GRIK2: variants seen among roughly 807,000 people sequenced by gnomAD.
GRIK2 encodes the protein glutamate ionotropic receptor kainate type subunit 2, also known as glutamate receptor ionotropic, kainate 2.
Under a neutral mutation model 100.3 loss-of-function variants are expected in GRIK2, and 32 were observed. The observed-to-expected ratio is 0.32, with a 90% CI of 0.24 to 0.43. The LOEUF is 0.43. Among genes scored for constraint, GRIK2 ranks in the 20% least tolerant of loss-of-function variants. The pLI is 1.00. For synonymous variants in GRIK2, 417 were observed against 389.4 expected (o/e 1.07, Z -0.83); for missense variants, 843 against 1,114.9 (o/e 0.76, Z 3.47).
chr6:101,865,888 CAAAAAAAAAGAAA>C (rs963772136), intron 11 of GRIK2, among the ~76,000 whole-genome samples: 2 of 88,132 alleles, frequency 2.3e-5, no homozygotes, highest in African/African-American at 8.8e-5. Context: ...GACCCCGTCT[CAAAAAAAAAGAAA>C]AAAAAAAAAG....
chr6:101,402,051 C>G (rs1181041947), intron 2 of GRIK2, among the ~76,000 whole-genome samples: 1 of 152,182 alleles, frequency 6.6e-6, no homozygotes, highest in Non-Finnish European at 1.5e-5. Context: ...TGTTATCCTT[C>G]CCCTTGCTCC....
intron 7 of GRIK2, among the ~76,000 whole-genome samples, chr6:101,733,418 G>T (rs1423104485): frequency 1.3e-5 from 2 of 152,046 alleles, no homozygotes; most frequent in African/African-American, 2.4e-5. Flanking sequence ...TCCTAACAAG[G>T]CAAATTTAGG....
At chr6:101,510,540 T>C (rs1401637382) in intron 2 of GRIK2, among the ~76,000 whole-genome samples, 1 of 101,436 alleles carries the variant, frequency 9.9e-6, no homozygotes, top group African/African-American at 4.2e-5. Flanking sequence ...TTTTTTTTTT[T>C]GAGATTGAGT....
intron 7 of GRIK2, among the ~76,000 whole-genome samples, chr6:101,734,679 A>T (rs1775512923): frequency 6.6e-6 from 1 of 152,198 alleles, no homozygotes; most frequent in African/African-American, 2.4e-5. Context: ...GCTGGAGCAG[A>T]TCCTACAGGG....
chr6:101,472,852 A>C (rs2128256889), intron 2 of GRIK2, among the ~76,000 whole-genome samples: 1 of 151,942 alleles, frequency 6.6e-6, no homozygotes, highest in African/African-American at 2.4e-5. Context: ...TTTGGAAAGC[A>C]ACAAATTGTA....
chr6:101,482,771 T>C (rs879554163), intron 2 of GRIK2, among the ~76,000 whole-genome samples: 38 of 152,146 alleles, frequency 2.5e-4, no homozygotes, highest in Admixed American at 1.5e-3. Context: ...AATGAGATCA[T>C]TGACTCAGTA....
At chr6:101,447,161 C>T (rs1370023103) in intron 2 of GRIK2, among the ~76,000 whole-genome samples, 2 of 151,150 alleles carry the variant, frequency 1.3e-5, no homozygotes, top group East Asian at 1.9e-4. Context: ...GCATTAATAT[C>T]TCATTGCAGT....
chr6:101,742,382 G>C (rs1286455060), intron 7 of GRIK2, among the ~76,000 whole-genome samples: 1 of 152,118 alleles, frequency 6.6e-6, no homozygotes, highest in African/African-American at 2.4e-5. Context: ...GGGGTAAGAT[G>C]ATTGAGGTGT....
intron 2 of GRIK2, among the ~76,000 whole-genome samples, chr6:101,610,869 A>T (rs1189171082): frequency 6.6e-6 from 1 of 151,830 alleles, no homozygotes; most frequent in African/African-American, 2.4e-5. Context: ...TAATTATGTG[A>T]CTACCTTTCC....
chr6:102,037,092 A>G (rs1770310707), intron 15 of GRIK2, among the ~76,000 whole-genome samples: 1 of 151,294 alleles, frequency 6.6e-6, no homozygotes, highest in African/African-American at 2.4e-5. Context: ...AATCATCTGA[A>G]ATGTATTATG....
intron 1 of GRIK2, among the ~76,000 whole-genome samples, chr6:101,396,254 CA>C (rs1465468442): frequency 6.8e-6 from 1 of 147,800 alleles, no homozygotes; most frequent in Non-Finnish European, 1.5e-5. Context: ...CCCCCCCCCC[CA>C]GGAAGTGAGT....
At chr6:101,922,084 C>CTACCTTTCTCCAT (rs1789560894) in intron 12 of GRIK2, among the ~76,000 whole-genome samples, 1 of 42,844 alleles carries the variant, frequency 2.3e-5, no homozygotes, top group Non-Finnish European at 4.6e-5. Flanking sequence ...CATTTCCTTC[C>CTACCTTTCTCCAT]TTCCTTCCTT....
At chr6:102,032,422 G>A (rs1054054812) in intron 14 of GRIK2, among the ~76,000 whole-genome samples, 5 of 151,144 alleles carry the variant, frequency 3.3e-5, no homozygotes, top group African/African-American at 1.2e-4. Context: ...ATCATATAAG[G>A]GACTGAGTGA....
chr6:102,040,297 G>T (rs1187653247), intron 15 of GRIK2, among the ~76,000 whole-genome samples: 2 of 151,296 alleles, frequency 1.3e-5, no homozygotes, highest in African/African-American at 2.4e-5. Flanking sequence ...AAATATTAGG[G>T]TATATTTTAT....
intron 14 of GRIK2, among the ~76,000 whole-genome samples, chr6:101,962,003 C>G (rs1026692628): frequency 6.6e-6 from 1 of 152,062 alleles, no homozygotes; most frequent in East Asian, 1.9e-4. Flanking sequence ...GCTTTGCCCT[C>G]AAGAAATTTG....
In GRIK2 at chr6:101,955,617, C is replaced by CT. The variant is rs1376723314; in HGVS notation, c.2085+26985_2085+26986insT. On this transcript the variant is annotated intron_variant, in intron 14 of 16. Coordinates refer to ENST00000369134, the MANE Select transcript of GRIK2 (RefSeq NM_021956.5). ...CTCTCTCTCTCTCTCTCTCTCTCTC[C>CT]CCCCCATTTCTTTTACAGTCAGATT... 6.1e-3 allele frequency among the ~76,000 whole-genome samples: 711 copies of CT among 116,322 alleles called. 14 individuals carry two copies. The highest frequency in any genetic ancestry group is 0.022 in the African/African-American group (570 of 26,486). The allele number at this position is 116,322 out of a possible 152,430, so 76.3% of individuals were successfully genotyped here. A position where few individuals can be genotyped will look rare whatever the true frequency, so the allele number is the denominator to read the frequency against.
intron 14 of GRIK2, among the ~76,000 whole-genome samples, chr6:101,932,504 A>G (rs1790353166): frequency 6.6e-6 from 1 of 151,680 alleles, no homozygotes; most frequent in Non-Finnish European, 1.5e-5. Context: ...CACTTATTCC[A>G]GGGAAACTCT....
chr6:101,523,244 C>A (rs1282277045), intron 2 of GRIK2, among the ~76,000 whole-genome samples: 1 of 152,074 alleles, frequency 6.6e-6, no homozygotes, highest in Admixed American at 6.6e-5. Flanking sequence ...TGTCAACCTC[C>A]TCCCTCACCC....
At chr6:101,527,092 T>C (rs1239218428) in intron 2 of GRIK2, among the ~76,000 whole-genome samples, 1 of 152,176 alleles carries the variant, frequency 6.6e-6, no homozygotes, top group Non-Finnish European at 1.5e-5. Context: ...TTATAAACAC[T>C]AGGCATCTGA....
Sources: allele counts gnomAD v4.1 joint callset (sites outside exome capture counted in the v4.1 genomes callset), GRCh38; gene constraint gnomAD v4.1.1; transcripts MANE v1.5; gene names NCBI Gene and HGNC (gene_info 2026-07-23, HGNC 2026-07-21).